Variants in MACROD2 observed in about 807,000 individuals in gnomAD.
MACROD2 encodes mono-ADP ribosylhydrolase 2.
A neutral mutation model predicts 70.4 loss-of-function variants in MACROD2; 36 were observed. The ratio of observed to expected loss-of-function variants is 0.51; its 90% CI spans 0.39 to 0.68. MACROD2 has a LOEUF of 0.68. Ranked by LOEUF, MACROD2 falls within the 30% of genes least tolerant of loss-of-function variation. MACROD2 has a pLI of 0.00. For synonymous variants in MACROD2, 172 were observed against 178.8 expected (o/e 0.96, Z 0.30); for missense variants, 496 against 538.4 (o/e 0.92, Z 0.78).
intron 15 of MACROD2, among the ~76,000 whole-genome samples, chr20:15,992,578 G>A (rs1329194536): frequency 6.6e-6 from 1 of 152,192 alleles, no homozygotes; most frequent in Admixed American, 6.5e-5. Context: ...ATTAACTTGT[G>A]CTTGCCCATC....
At chr20:14,094,909 T>C (rs1282816286) in intron 3 of MACROD2, among the ~76,000 whole-genome samples, 1 of 152,090 alleles carries the variant, frequency 6.6e-6, no homozygotes, top group African/African-American at 2.4e-5. Flanking sequence ...CCACCGTTTT[T>C]CTCATTTCTC....
intron 3 of MACROD2, among the ~76,000 whole-genome samples, chr20:14,200,846 T>C (rs1033124457): frequency 8.5e-5 from 13 of 152,172 alleles, no homozygotes; most frequent in Non-Finnish European, 1.3e-4. Context: ...GAATTATTCA[T>C]GCCTTTTTGC....
intron 5 of MACROD2, among the ~76,000 whole-genome samples, chr20:15,025,611 G>T (rs2075224622): frequency 6.6e-6 from 1 of 152,070 alleles, no homozygotes; most frequent in Non-Finnish European, 1.5e-5. Flanking sequence ...TAACCCAAAT[G>T]GGCTGAATTA....
At chr20:15,360,295 C>A (rs959904290) in intron 6 of MACROD2, among the ~76,000 whole-genome samples, 1 of 152,052 alleles carries the variant, frequency 6.6e-6, no homozygotes, top group South Asian at 2.1e-4. Flanking sequence ...TTGACTATTA[C>A]AAATAAAAGT....
intron 5 of MACROD2, among the ~76,000 whole-genome samples, chr20:14,812,792 G>C (rs903978416): frequency 5.3e-5 from 8 of 151,986 alleles, no homozygotes; most frequent in Non-Finnish European, 1.0e-4. Flanking sequence ...GACACCAAGT[G>C]GGTGTAATTC....
intron 6 of MACROD2, among the ~76,000 whole-genome samples, chr20:15,318,611 G>A (rs2077840026): frequency 6.6e-6 from 1 of 151,966 alleles, no homozygotes; most frequent in African/African-American, 2.4e-5. Flanking sequence ...CATATTAAAA[G>A]GATTATACAT....
chr20:14,729,643 A>T (rs1430183243), intron 5 of MACROD2, among the ~76,000 whole-genome samples: 1 of 152,126 alleles, frequency 6.6e-6, no homozygotes, highest in Non-Finnish European at 1.5e-5. Context: ...ATTTGCTCAA[A>T]AACTCCCAAG....
chr20:14,647,166 T>G (rs1250681313), intron 4 of MACROD2, among the ~76,000 whole-genome samples: 1 of 152,166 alleles, frequency 6.6e-6, no homozygotes, highest in Non-Finnish European at 1.5e-5. Flanking sequence ...CAGCTACTAA[T>G]TCAGGAGGAT....
intron 6 of MACROD2, among the ~76,000 whole-genome samples, chr20:15,358,822 T>C (rs1204559264): frequency 1.3e-5 from 2 of 151,806 alleles, no homozygotes; most frequent in Admixed American, 6.6e-5. Flanking sequence ...TTTTTTTTTT[T>C]ACAAGGGCAT....
At chr20:15,020,225 T>C (rs902675061) in intron 5 of MACROD2, among the ~76,000 whole-genome samples, 17 of 152,242 alleles carry the variant, frequency 1.1e-4, no homozygotes, top group African/African-American at 3.9e-4. Context: ...ATTTCCCAAG[T>C]CCTCACCTGA....
chr20:14,376,576 G>A (rs1441052396), intron 3 of MACROD2, among the ~76,000 whole-genome samples: 3 of 151,932 alleles, frequency 2.0e-5, no homozygotes, highest in Admixed American at 6.6e-5. Context: ...GTGAGACTCC[G>A]TCTCTACAAA....
At chr20:14,300,239 A>G (rs556670762) in intron 3 of MACROD2, among the ~76,000 whole-genome samples, 2 of 152,320 alleles carry the variant, frequency 1.3e-5, no homozygotes, top group Admixed American at 6.5e-5. Context: ...AGATTTTATT[A>G]TGTATCACAC....
intron 5 of MACROD2, among the ~76,000 whole-genome samples, chr20:15,081,278 T>A (rs1403077060): frequency 6.6e-6 from 1 of 152,204 alleles, no homozygotes; most frequent in African/African-American, 2.4e-5. Context: ...ATGTTGTCTA[T>A]AGCTATTTTG....
At chr20:15,669,666 C>A (rs766313894) in intron 8 of MACROD2, among the ~76,000 whole-genome samples, 2 of 152,174 alleles carry the variant, frequency 1.3e-5, no homozygotes, top group Non-Finnish European at 2.9e-5. Context: ...GAACGGGTAT[C>A]ATTAGGGAAT....
chr20:14,809,930 T>A (rs1423853332), intron 5 of MACROD2, among the ~76,000 whole-genome samples: 1 of 149,346 alleles, frequency 6.7e-6, no homozygotes, highest in Non-Finnish European at 1.5e-5. Flanking sequence ...AGTTCTGAAA[T>A]TGAGGCAATA....
chr20:15,780,490 A>G (rs2051812918), intron 8 of MACROD2, among the ~76,000 whole-genome samples: 1 of 152,176 alleles, frequency 6.6e-6, no homozygotes, highest in Non-Finnish European at 1.5e-5. Flanking sequence ...CCAAAAAGGT[A>G]TTTAAAAACA....
At chr20:14,405,114 C>A (rs2083678573) in intron 3 of MACROD2, among the ~76,000 whole-genome samples, 1 of 151,926 alleles carries the variant, frequency 6.6e-6, no homozygotes, top group South Asian at 2.1e-4. Flanking sequence ...TATAGAAAAG[C>A]AAAAATTCAC....
intron 3 of MACROD2, among the ~76,000 whole-genome samples, chr20:14,185,061 G>A (rs1034572232): frequency 2.0e-5 from 3 of 152,046 alleles, no homozygotes; most frequent in African/African-American, 7.2e-5. Flanking sequence ...GAACTGTAGG[G>A]TGCCTGAAAC....
chr20:15,396,493 C>G (rs537585102), intron 6 of MACROD2, among the ~76,000 whole-genome samples: 2 of 152,122 alleles, frequency 1.3e-5, no homozygotes, highest in South Asian at 4.1e-4. Context: ...CATAGTTGAG[C>G]TCTATTATAG....
Sources: gnomAD v4.1 joint callset for allele counts (sites outside exome capture counted in the v4.1 genomes callset) on GRCh38, gnomAD v4.1.1 for gene constraint, MANE v1.5 for transcripts, NCBI Gene and HGNC (gene_info 2026-07-23, HGNC 2026-07-21) for gene names.